ADGRB3: variants seen among roughly 807,000 people sequenced by gnomAD.
ADGRB3 encodes brain-specific angiogenesis inhibitor 3.
ADGRB3 carries 37 observed loss-of-function variants against 193.4 expected under a neutral mutation model. That is an observed-to-expected ratio of 0.19 (90% CI 0.15 to 0.25). The LOEUF is 0.25. Ranked by LOEUF, ADGRB3 falls within the 10% of genes least tolerant of loss-of-function variation. The pLI, the probability that ADGRB3 is intolerant of heterozygous loss-of-function variation, is 1.00. For synonymous variants in ADGRB3, 690 were observed against 644.2 expected (o/e 1.07, Z -1.08); for missense variants, 1,637 against 1,852.9 (o/e 0.88, Z 2.14).
chr6:69,383,607 A>G (rs1769998116), intron 31 of ADGRB3, among the ~76,000 whole-genome samples: 1 of 152,038 alleles, frequency 6.6e-6, no homozygotes, highest in Non-Finnish European at 1.5e-5. Flanking sequence ...CGAAAGCTCA[A>G]AAGCTCAATC....
At position 68,785,300 on chromosome 6, in the gene ADGRB3, TC is replaced by T. The variant is rs1285190131; in HGVS notation, c.758-145253del. On this transcript the variant is annotated intron_variant, in intron 3 of 31. Coordinates refer to ENST00000370598, the MANE Select transcript of ADGRB3 (RefSeq NM_001704.3). ...TAGATATATCTCCTAATGCTATCCCTCCCCCCTCCCCCCACCCCACAACAGT... is the reference window on the plus strand; with the variant it reads ...TAGATATATCTCCTAATGCTATCCCTCCCCCTCCCCCCACCCCACAACAGT... 3.8e-4 allele frequency among the ~76,000 whole-genome samples: 38 copies of T among 98,708 alleles called. 1 individual carries two copies. Among genetic ancestry groups the T allele is most frequent in the Admixed American group, 1.6e-3 (13 of 8,134 alleles). 64.8% of individuals were successfully genotyped at this position (98,708 alleles called of 152,430 possible).
At chr6:69,173,079 C>T (rs1189082701) in intron 17 of ADGRB3, among the ~76,000 whole-genome samples, 2 of 152,112 alleles carry the variant, frequency 1.3e-5, no homozygotes, top group African/African-American at 4.8e-5. Context: ...ACTCTGTCGC[C>T]CAGGCTAGAG....
At chr6:68,824,918 G>C (rs1313869762) in intron 3 of ADGRB3, among the ~76,000 whole-genome samples, 5 of 151,794 alleles carry the variant, frequency 3.3e-5, no homozygotes, top group Non-Finnish European at 5.9e-5. Context: ...GCAGTGGCGC[G>C]ATCTCCCTCA....
intron 17 of ADGRB3, among the ~76,000 whole-genome samples, chr6:69,228,101 C>CA (rs1282267095): frequency 6.6e-6 from 1 of 151,936 alleles, no homozygotes; most frequent in Non-Finnish European, 1.5e-5. Flanking sequence ...ACTAAAAATA[C>CA]AAAAAATGAG....
At position 69,275,026 on chromosome 6, in the gene ADGRB3, A is replaced by G. The variant is rs141928744; in HGVS notation, c.2814+35800A>G. 2.1e-3 allele frequency among the ~76,000 whole-genome samples: 327 copies of G among 152,222 alleles called. 8 individuals carry two copies. The highest frequency in any genetic ancestry group is 0.016 in the Admixed American group (251 of 15,280). ...GAGGAGAATTGTTTGGCCCCCTACC[A>G]CAGCCCACCCAAGGAAAGATAGAAC... is the stretch of plus-strand genomic sequence containing the variant. On this transcript the variant is annotated intron_variant, in intron 20 of 31. Transcript: ENST00000370598.
intron 3 of ADGRB3, among the ~76,000 whole-genome samples, chr6:68,888,519 C>A (rs1477202662): frequency 1.4e-5 from 2 of 147,742 alleles, no homozygotes; most frequent in Non-Finnish European, 3.0e-5. Flanking sequence ...CCAGCATTTT[C>A]AGTTCCTTTT....
rs1395132731 is a variant in ADGRB3, at chr6:69,360,994, C to T, written c.3721C>T (p.Pro1241Ser). ...TGAAGGGCTAAGCTATTCAACATTG[C>T]CTGGAAATGTCATTTCCAAAGTCAT... Reference protein sequence around the residue: ...NPEGLSYSTLPGNVISKVIIQ... With the variant: ...NPEGLSYSTLSGNVISKVIIQ... The change falls in exon 29 of 32, where the codon CCT (proline) becomes TCT (serine). Residue 1241 changes from proline (P) to serine (S), a missense_variant. By Grantham distance (74) the Pro-to-Ser change is moderately conservative (BLOSUM62 -1). Transcript: ENST00000370598. 3.1e-6 allele frequency: 5 copies of T among 1,612,554 alleles called. No individual in the cohort carries two copies. The Admixed American group carries it at 8.4e-5, about 27-fold the overall frequency.
At chr6:68,991,139 T>C (rs1769226340) in intron 10 of ADGRB3, among the ~76,000 whole-genome samples, 1 of 152,120 alleles carries the variant, frequency 6.6e-6, no homozygotes, top group African/African-American at 2.4e-5. Context: ...ATGCTATTTG[T>C]TACCAGTGTT....
At chr6:69,206,986 A>G (rs1364391218) in intron 17 of ADGRB3, among the ~76,000 whole-genome samples, 3 of 152,122 alleles carry the variant, frequency 2.0e-5, no homozygotes, top group African/African-American at 7.2e-5. Context: ...ACCCTAAAGG[A>G]TCTCCTGTAT....
intron 3 of ADGRB3, among the ~76,000 whole-genome samples, chr6:68,766,209 C>A (rs1261746972): frequency 1.3e-5 from 2 of 151,810 alleles, no homozygotes; most frequent in South Asian, 2.1e-4. Context: ...TCTTAAACTT[C>A]TTGTGTTAAT....
chr6:68,973,470 A>T (rs1033744138), intron 8 of ADGRB3, among the ~76,000 whole-genome samples: 2 of 152,190 alleles, frequency 1.3e-5, no homozygotes, highest in African/African-American at 4.8e-5. Flanking sequence ...GAGTTCGTAA[A>T]TTCTGAAATG....
chr6:68,831,099 A>G (rs1767943181), intron 3 of ADGRB3, among the ~76,000 whole-genome samples: 2 of 152,074 alleles, frequency 1.3e-5, no homozygotes, highest in South Asian at 2.1e-4. Context: ...TCCTGCAATA[A>G]TCTGTGTGAA....
At chr6:69,121,859 G>A (rs1442162304) in intron 17 of ADGRB3, among the ~76,000 whole-genome samples, 38 of 150,850 alleles carry the variant, frequency 2.5e-4, no homozygotes. Flanking sequence ...TCCCAGATGG[G>A]GTGGCGGCCA....
chr6:68,933,617 A>G (rs192306099), intron 4 of ADGRB3, among the ~76,000 whole-genome samples: 106 of 152,318 alleles, frequency 7.0e-4, no homozygotes, highest in African/African-American at 2.3e-3. Flanking sequence ...TGAATAAATA[A>G]ATAAAATTAA....
chr6:68,856,130 G>C (rs570163118), intron 3 of ADGRB3, among the ~76,000 whole-genome samples: 1 of 152,140 alleles, frequency 6.6e-6, no homozygotes, highest in African/African-American at 2.4e-5. Context: ...TGATTGTGAG[G>C]CTTCCCCAGC....
chr6:68,734,800 A>G (rs1288725928), intron 3 of ADGRB3, among the ~76,000 whole-genome samples: 1 of 152,082 alleles, frequency 6.6e-6, no homozygotes, highest in Non-Finnish European at 1.5e-5. Flanking sequence ...CTCTTGAAAG[A>G]GTTTAAAGGA....
At chr6:69,333,718 G>T (rs1169109762) in intron 24 of ADGRB3, among the ~76,000 whole-genome samples, 1 of 150,784 alleles carries the variant, frequency 6.6e-6, no homozygotes, top group Non-Finnish European at 1.5e-5. Flanking sequence ...GGGAGGCTGA[G>T]GTGGGCAGAT....
intron 3 of ADGRB3, among the ~76,000 whole-genome samples, chr6:68,852,271 G>C (rs949368942): frequency 6.6e-6 from 1 of 151,784 alleles, no homozygotes. Flanking sequence ...TATGCTTCAT[G>C]TCTTTTATTC....
intron 26 of ADGRB3, among the ~76,000 whole-genome samples, chr6:69,350,381 T>C (rs1435645360): frequency 6.6e-6 from 1 of 152,022 alleles, no homozygotes; most frequent in African/African-American, 2.4e-5. Context: ...TATCTGTTCC[T>C]TGCTACTCCT....
Sources: gnomAD v4.1 joint callset for allele counts (sites outside exome capture counted in the v4.1 genomes callset) on GRCh38, gnomAD v4.1.1 for gene constraint, MANE v1.5 for transcripts, NCBI Gene and HGNC (gene_info 2026-07-23, HGNC 2026-07-21) for gene names.